The following DHX35 variants were observed in gnomAD, a reference collection of about 807,000 sequenced individuals.
The protein encoded by DHX35 is probable ATP-dependent RNA helicase DHX35.
Under a neutral mutation model 99.6 loss-of-function variants are expected in DHX35, and 84 were observed. The observed-to-expected ratio is 0.84, with a 90% CI of 0.71 to 1.01. The LOEUF is 1.01. DHX35 is among the 50% of genes least tolerant of loss of function. DHX35 has a pLI of 0.00. For synonymous variants in DHX35, 331 were observed against 316.2 expected (o/e 1.05, Z -0.50); for missense variants, 852 against 888.5 (o/e 0.96, Z 0.52).
chr20:39,018,609 A>G (rs570209758), intron 14 of DHX35, among the ~76,000 whole-genome samples, 195 bp from the exon 15 acceptor site: 13 of 152,310 alleles, frequency 8.5e-5, no homozygotes, highest in African/African-American at 3.1e-4. Context: ...TGGGTATTCA[A>G]GAGCTCAGTG....
chr20:38,967,472 C>T (rs2085927084), intron 1 of DHX35, among the ~76,000 whole-genome samples: 2 of 152,302 alleles, frequency 1.3e-5, no homozygotes, highest in Non-Finnish European at 2.9e-5. Flanking sequence ...AAATATCTTC[C>T]TTACATTGAG....
chr20:39,034,105 G>C, intron 20 of DHX35, 101 bp from the exon 21 acceptor site: 1 of 828,886 alleles, frequency 1.2e-6, no homozygotes, highest in Non-Finnish European at 2.0e-6. Context: ...GGCACATAGA[G>C]TAGAACCTGT....
At chr20:38,985,508 G>A (rs1051797239) in intron 4 of DHX35, among the ~76,000 whole-genome samples, 8 of 151,554 alleles carry the variant, frequency 5.3e-5, no homozygotes, top group Admixed American at 1.3e-4. Context: ...TTATTGTGTC[G>A]TTGTTTTGCC....
intron 1 of DHX35, among the ~76,000 whole-genome samples, chr20:38,967,266 A>G (rs1319535769): frequency 6.6e-6 from 1 of 152,218 alleles, no homozygotes; most frequent in Non-Finnish European, 1.5e-5. Context: ...TGAGCTGAAT[A>G]TTCTTGTTAC....
chr20:39,003,509 T>A (rs569010268), intron 10 of DHX35, among the ~76,000 whole-genome samples: 1 of 152,260 alleles, frequency 6.6e-6, no homozygotes. Context: ...CTTCCATTCA[T>A]TGCAGATCAT....
intron 8 of DHX35, among the ~76,000 whole-genome samples, chr20:38,999,813 G>A (rs952067222): frequency 6.6e-6 from 1 of 152,220 alleles, no homozygotes; most frequent in African/African-American, 2.4e-5. Flanking sequence ...TCAGCTCACA[G>A]GTCTGATAAT....
chr20:38,991,803 AACTAACTGCC>A (rs2086341964), intron 6 of DHX35, among the ~76,000 whole-genome samples: 1 of 152,158 alleles, frequency 6.6e-6, no homozygotes, highest in Non-Finnish European at 1.5e-5. Context: ...GACTGCAGAG[AACTAACTGCC>A]CTGTGTTAAA....
chr20:39,002,960 C>A, intron 10 of DHX35, 92 bp downstream of exon 10: 1 of 1,108,188 alleles, frequency 9.0e-7, no homozygotes, highest in Non-Finnish European at 1.3e-6. Context: ...TCATGTATTT[C>A]ATGTTTTGTT....
intron 19 of DHX35, chr20:39,029,446 C>T (rs1024059943): frequency 1.3e-5 from 2 of 150,372 alleles, no homozygotes; most frequent in African/African-American, 2.5e-5. Flanking sequence ...TCCTAGTAGC[C>T]GACTGTTGGA....
At chr20:39,004,094 G>A (rs1471886095) in intron 11 of DHX35, among the ~76,000 whole-genome samples, 187 bp downstream of exon 11, 24 of 151,654 alleles carry the variant, frequency 1.6e-4, no homozygotes, top group Admixed American at 1.4e-3. Context: ...ATGGAGTCTC[G>A]CTCTGTTGCC....
At chr20:38,986,615 C>G (rs986531826) in intron 4 of DHX35, among the ~76,000 whole-genome samples, 1 of 152,108 alleles carries the variant, frequency 6.6e-6, no homozygotes, top group African/African-American at 2.4e-5. Context: ...TATCTCTATG[C>G]ACACATTCTC....
intron 3 of DHX35, among the ~76,000 whole-genome samples, chr20:38,982,839 A>G (rs1025108299): frequency 6.6e-6 from 1 of 152,246 alleles, no homozygotes; most frequent in Non-Finnish European, 1.5e-5. Context: ...AACCACTGTT[A>G]TCCGTATTGG....
chr20:38,985,224 C>T (rs1454510098), intron 4 of DHX35, among the ~76,000 whole-genome samples: 2 of 151,862 alleles, frequency 1.3e-5, no homozygotes, highest in Non-Finnish European at 2.9e-5. Context: ...CTCTACAAAA[C>T]AATTTTTAAA....
At chr20:39,004,954 A>G (rs1170297584) in intron 11 of DHX35, among the ~76,000 whole-genome samples, 1 of 152,202 alleles carries the variant, frequency 6.6e-6, no homozygotes, top group Non-Finnish European at 1.5e-5. Flanking sequence ...CCAGCCAATC[A>G]GGAGACCTGG....
chr20:38,997,757 C>T (rs1293022231), intron 8 of DHX35, among the ~76,000 whole-genome samples: 2 of 151,776 alleles, frequency 1.3e-5, no homozygotes, highest in Non-Finnish European at 2.9e-5. Context: ...GATGTGAGTT[C>T]GTATGTGAGT....
chr20:38,972,686 G>A (rs766918471), intron 3 of DHX35, 35 bp downstream of exon 3: 40 of 1,446,958 alleles, frequency 2.8e-5, no homozygotes, highest in African/African-American at 8.4e-5. Flanking sequence ...TTTACACTTC[G>A]ATTTGGCTGG....
rs751312693 is a variant in DHX35 at position 38,969,126 on chromosome 20, T to G, written c.86T>G (p.Leu29Arg). ...GVSISEERQS[L>R]AENSGTTVVY... ...AGCATCTCTGAAGAGAGACAAAGTC[T>G]GGCTGAAAACTCTGGGACAACGGTT... is the stretch of plus-strand genomic sequence containing the variant. Residue 29 changes from leucine to arginine, a missense_variant, in exon 2 of 22, where the codon CTG (leucine) becomes CGG (arginine). Coordinates refer to ENST00000252011, the MANE Select transcript of DHX35 (RefSeq NM_021931.4). 1 of 1,613,906 alleles carries G rather than the reference T, an allele frequency of 6.2e-7. No individual in the cohort carries two copies. Among genetic ancestry groups the G allele is most frequent in the Non-Finnish European group, 8.5e-7 (1 of 1,179,800 alleles).
At chr20:39,014,258 T>G (rs1421438749) in intron 13 of DHX35, among the ~76,000 whole-genome samples, 2 of 152,174 alleles carry the variant, frequency 1.3e-5, no homozygotes, top group Admixed American at 1.3e-4. Context: ...AGGTGCTCAG[T>G]CAAGATTTGT....
At chr20:38,994,630 G>GTC (rs1305311376) in intron 7 of DHX35, among the ~76,000 whole-genome samples, 191 bp from the exon 8 acceptor site, 1 of 88,456 alleles carries the variant, frequency 1.1e-5, no homozygotes, top group African/African-American at 4.6e-5. Context: ...ATAGTGTAAT[G>GTC]ACCCCCCCCC....
Sources: gnomAD v4.1 joint callset for allele counts (sites outside exome capture counted in the v4.1 genomes callset) on GRCh38, gnomAD v4.1.1 for gene constraint, MANE v1.5 for transcripts, NCBI Gene and HGNC (gene_info 2026-07-23, HGNC 2026-07-21) for gene names.